Variants in AMELY observed in about 807,000 individuals in gnomAD.
AMELY encodes the protein amelogenin Y-linked, also known as amelogenin, Y isoform.
A neutral mutation model predicts 4.2 loss-of-function variants in AMELY; 4 were observed. The observed-to-expected ratio is 0.96, with a 90% CI of 0.47 to 2.19. The LOEUF is 2.19. AMELY is among the 30% of genes most tolerant of loss of function. AMELY has a pLI of 0.02. For missense variants in AMELY, 32 were observed against 41.5 expected (o/e 0.77, Z 0.63); for synonymous variants, 11 against 14.7 (o/e 0.75, Z 0.57).
chrY:6,871,137 T>G, intron 3 of AMELY, among the ~76,000 whole-genome samples: 2 of 32,752 alleles, frequency 6.1e-5, no homozygotes, highest in Non-Finnish European at 1.5e-4. Flanking sequence ...ATTGCCACAG[T>G]GCAGGATTTC....
chrY:6,911,678 G>A lies in AMELY; in HGVS notation c.-118C>T. Among the ~76,000 whole-genome samples the A allele has an allele frequency of 5.7e-5, 2 of 34,816 alleles. No individual in the cohort carries two copies. Among genetic ancestry groups the A allele is most frequent in the Non-Finnish European group, 1.4e-4 (2 of 13,797 alleles). The allele number at this position is 34,816 out of a possible 37,273, so 93.4% of individuals were successfully genotyped here. A position where few individuals can be genotyped will look rare whatever the true frequency, so the allele number is the denominator to read the frequency against. On this transcript the variant is annotated 5_prime_UTR_variant, in exon 1 of 7. Coordinates refer to ENST00000651267, the MANE Select transcript of AMELY (RefSeq NM_001143.2). The stretch of plus-strand genomic sequence containing the variant: ...CGCCAGGGTAAAGCGCAGACCTGTT[G>A]ATCCTAGGTTCTGGCGGGTCGGGGT...
At chrY:6,892,669 A>G in intron 1 of AMELY, among the ~76,000 whole-genome samples, 1 of 34,006 alleles carries the variant, frequency 2.9e-5, no homozygotes, top group East Asian at 7.8e-4. Flanking sequence ...ATTTGCTACC[A>G]AAAATGAGAC....
chrY:6,884,476 G>A, intron 1 of AMELY, among the ~76,000 whole-genome samples: 1 of 32,478 alleles, frequency 3.1e-5, no homozygotes, highest in Non-Finnish European at 7.5e-5. Context: ...AATCTTACAT[G>A]TCAATATTGA....
At chrY:6,897,797 C>T in intron 1 of AMELY, among the ~76,000 whole-genome samples, 1 of 30,463 alleles carries the variant, frequency 3.3e-5, no homozygotes, top group Non-Finnish European at 7.8e-5. Flanking sequence ...TTTCTTTTTT[C>T]TTTCTGAGAC....
At chrY:6,876,838 A>G (rs2054072133) in intron 1 of AMELY, among the ~76,000 whole-genome samples, 1 of 33,401 alleles carries the variant, frequency 3.0e-5, no homozygotes, top group Non-Finnish European at 7.4e-5. Flanking sequence ...GGACACTCCC[A>G]CAGACCACTA....
At chrY:6,867,602 G>A (rs2124079794) in intron 6 of AMELY, among the ~76,000 whole-genome samples, 1 of 32,703 alleles carries the variant, frequency 3.1e-5, no homozygotes, top group Non-Finnish European at 7.5e-5. Flanking sequence ...TTCATAGCTT[G>A]TTCAAATATA....
At chrY:6,880,527 A>G in intron 1 of AMELY, among the ~76,000 whole-genome samples, 1 of 33,428 alleles carries the variant, frequency 3.0e-5, no homozygotes, top group Non-Finnish European at 7.4e-5. Context: ...TGGTATCAGG[A>G]TGATGCTGGC....
Position 6,868,029 on chromosome Y carries a change from G to T in AMELY, c.573+8C>A. 2.6e-6 allele frequency: 1 copy of T among 389,206 alleles called. No individual in the cohort carries two copies. Among genetic ancestry groups the T allele is most frequent in the African/African-American group, 6.2e-5 (1 of 16,046 alleles). ...ATTTGCATTGTAGTGGCTTCAAGGT[G>T]TACTCACCACTTCCTCCTGCTTGGT... On this transcript the variant is annotated splice_region_variant and intron_variant, in intron 6 of 6. Transcript: ENST00000651267.
At chrY:6,890,310 G>T (rs2054082429) in intron 1 of AMELY, among the ~76,000 whole-genome samples, 2 of 32,820 alleles carry the variant, frequency 6.1e-5, no homozygotes, top group East Asian at 1.6e-3. Context: ...ATACCTTGGG[G>T]TTGGGAGAAA....
At chrY:6,876,542 G>T (rs752237460) in intron 1 of AMELY, among the ~76,000 whole-genome samples, 18 of 33,149 alleles carry the variant, frequency 5.4e-4, no homozygotes, top group Non-Finnish European at 1.2e-3. Context: ...TATGGAAAAA[G>T]AGTAAAAGAG....
intron 1 of AMELY, among the ~76,000 whole-genome samples, chrY:6,893,775 G>A (rs2054084815): frequency 3.9e-4 from 13 of 33,121 alleles, no homozygotes; most frequent in Admixed American, 2.8e-3. Context: ...TCTAGTTGTC[G>A]AGATACTTAC....
chrY:6,869,647 G>C, intron 4 of AMELY, among the ~76,000 whole-genome samples: 2 of 33,925 alleles, frequency 5.9e-5, no homozygotes, highest in African/African-American at 2.3e-4. Context: ...CCCAAAGTTA[G>C]TAATTTTACC....
intron 1 of AMELY, among the ~76,000 whole-genome samples, chrY:6,876,915 C>T (rs2054072164): frequency 3.0e-5 from 1 of 33,243 alleles, no homozygotes; most frequent in African/African-American, 1.2e-4. Flanking sequence ...ACAGTCCTCA[C>T]AACTTCTTAC....
chrY:6,884,913 G>A (rs745746135), intron 1 of AMELY, among the ~76,000 whole-genome samples: 1 of 33,190 alleles, frequency 3.0e-5, no homozygotes, highest in African/African-American at 1.2e-4. Context: ...TATTAAAAAT[G>A]GGCAAAAGAC....
chrY:6,883,374 C>G, intron 1 of AMELY, among the ~76,000 whole-genome samples: 2 of 32,274 alleles, frequency 6.2e-5, no homozygotes, highest in Non-Finnish European at 1.5e-4. Context: ...TGTTCTCACA[C>G]ATAAGTGGGA....
At chrY:6,889,653 A>G (rs374263172) in intron 1 of AMELY, among the ~76,000 whole-genome samples, 297 of 31,901 alleles carry the variant, frequency 9.3e-3, no homozygotes, top group South Asian at 0.034. Flanking sequence ...GGTGGCACAA[A>G]CCTGTAATCT....
intron 1 of AMELY, among the ~76,000 whole-genome samples, chrY:6,883,809 C>G (rs2054076873): frequency 3.1e-5 from 1 of 32,777 alleles, no homozygotes; most frequent in Non-Finnish European, 7.5e-5. Context: ...TAAGATTTTT[C>G]TTCTTCCTCC....
intron 1 of AMELY, among the ~76,000 whole-genome samples, chrY:6,908,677 T>G (rs2011671625): frequency 3.1e-5 from 1 of 32,450 alleles, no homozygotes; most frequent in Non-Finnish European, 7.5e-5. Context: ...CCTTCCAACT[T>G]TATTTTCTTG....
At chrY:6,875,135 G>T (rs2054071158) in intron 1 of AMELY, among the ~76,000 whole-genome samples, 1 of 33,564 alleles carries the variant, frequency 3.0e-5, no homozygotes, top group African/African-American at 1.1e-4. Context: ...AAAATCATGT[G>T]TATAATAGTT....
Sources: allele counts gnomAD v4.1 joint callset (sites outside exome capture counted in the v4.1 genomes callset), GRCh38; gene constraint gnomAD v4.1.1; transcripts MANE v1.5; gene names NCBI Gene and HGNC (gene_info 2026-07-23, HGNC 2026-07-21).